CBLN2: variants seen among roughly 807,000 people sequenced by gnomAD.
The protein encoded by CBLN2 is cerebellin 2 precursor.
In CBLN2, 7 loss-of-function variants were observed where a neutral mutation model predicts 15.0. That is an observed-to-expected ratio of 0.47 (90% CI 0.27 to 0.88). CBLN2 has a LOEUF of 0.88. Ranked by LOEUF, CBLN2 falls within the 40% of genes least tolerant of loss-of-function variation. The pLI is 0.14. For synonymous variants in CBLN2, 149 were observed against 135.2 expected (o/e 1.10, Z -0.71); for missense variants, 242 against 304.5 (o/e 0.79, Z 1.53).
At chr18:72,619,036 G>A in intron 1 of CBLN2, 1 of 759,480 alleles carries the variant, frequency 1.3e-6, no homozygotes, top group South Asian at 1.3e-5. Context: ...TGGAGGTGGT[G>A]GAAGCTACAG....
intron 1 of CBLN2, among the ~76,000 whole-genome samples, chr18:72,580,573 T>G (rs2069396184): frequency 6.6e-6 from 1 of 152,190 alleles, no homozygotes; most frequent in Non-Finnish European, 1.5e-5. Flanking sequence ...TTTCATAGAA[T>G]TGGAATCACA....
At chr18:72,556,722 G>GA (rs913708058) in intron 1 of CBLN2, among the ~76,000 whole-genome samples, 1 of 151,946 alleles carries the variant, frequency 6.6e-6, no homozygotes, top group Non-Finnish European at 1.5e-5. Context: ...AGCTTATCTT[G>GA]AAAAAAATAA....
In CBLN2 at chr18:72,537,045, C is replaced by G. The variant is rs1022689838; in HGVS notation, c.*1131G>C. 2 of 152,262 alleles carry G rather than the reference C, an allele frequency of 1.3e-5. No individual in the cohort carries two copies. Among genetic ancestry groups the G allele is most frequent in the African/African-American group, 4.8e-5 (2 of 41,444 alleles). 9.4% of individuals were successfully genotyped at this position (152,262 alleles called of 1,614,324 possible). A position where few individuals can be genotyped will look rare whatever the true frequency, so the allele number is the denominator to read the frequency against. ...AGGATCCGGAGGAAGAGGAGCTGGT[C>G]TGTTGGCTTTGAAGCACCTGATCAC... On this transcript the variant is annotated 3_prime_UTR_variant, in exon 5 of 5. Coordinates refer to ENST00000269503, the MANE Select transcript of CBLN2 (RefSeq NM_182511.4).
intron 1 of CBLN2, among the ~76,000 whole-genome samples, chr18:72,603,283 G>A (rs2069561321): frequency 6.6e-6 from 1 of 152,172 alleles, no homozygotes; most frequent in South Asian, 2.1e-4. Flanking sequence ...TCAATGGTAT[G>A]GGACTATTAG....
chr18:72,637,938 G>T (rs1293579061), intron 1 of CBLN2, among the ~76,000 whole-genome samples: 2 of 152,206 alleles, frequency 1.3e-5, no homozygotes, highest in East Asian at 1.9e-4. Context: ...GGAGCCAGCC[G>T]CTGAGACGAG....
chr18:72,634,130 A>C (rs1002592107), intron 1 of CBLN2, among the ~76,000 whole-genome samples: 1 of 152,068 alleles, frequency 6.6e-6, no homozygotes, highest in Non-Finnish European at 1.5e-5. Context: ...TATGGCATGC[A>C]CAATAAAGGT....
At chr18:72,608,442 C>T (rs2069599240) in intron 1 of CBLN2, among the ~76,000 whole-genome samples, 1 of 152,150 alleles carries the variant, frequency 6.6e-6, no homozygotes, top group African/African-American at 2.4e-5. Flanking sequence ...TCCTGGGGTG[C>T]TGACACTCAA....
chr18:72,600,606 G>A (rs905367829), intron 1 of CBLN2, among the ~76,000 whole-genome samples: 1 of 152,156 alleles, frequency 6.6e-6, no homozygotes, highest in East Asian at 1.9e-4. Context: ...AGGAAAAGGT[G>A]TAATTGCCTG....
intron 1 of CBLN2, among the ~76,000 whole-genome samples, chr18:72,587,147 T>G (rs2069449217): frequency 6.6e-6 from 1 of 152,010 alleles, no homozygotes; most frequent in African/African-American, 2.4e-5. Context: ...TTTTTGTCAG[T>G]TTTTAAGGGT....
intron 1 of CBLN2, among the ~76,000 whole-genome samples, chr18:72,553,661 G>C (rs933016693): frequency 3.3e-5 from 5 of 152,132 alleles, no homozygotes; most frequent in African/African-American, 9.7e-5. Flanking sequence ...TTCAGCAAAA[G>C]AGCTAACTCA....
At chr18:72,637,287 A>AG (rs1431817016) in intron 1 of CBLN2, among the ~76,000 whole-genome samples, 1 of 152,110 alleles carries the variant, frequency 6.6e-6, no homozygotes, top group East Asian at 1.9e-4. Context: ...CAAGCAAAAA[A>AG]AAAAAATGGC....
intron 1 of CBLN2, among the ~76,000 whole-genome samples, chr18:72,608,870 C>A (rs1030644958): frequency 1.3e-5 from 2 of 152,166 alleles, no homozygotes; most frequent in African/African-American, 4.8e-5. Context: ...GAATGAGGAG[C>A]AAAGTCACAT....
chr18:72,585,082 C>T (rs1327711826), intron 1 of CBLN2, among the ~76,000 whole-genome samples: 1 of 152,142 alleles, frequency 6.6e-6, no homozygotes, highest in Non-Finnish European at 1.5e-5. Flanking sequence ...TGCAATGGTG[C>T]CCAGAAGCTT....
chr18:72,565,882 A>G (rs1458497755), intron 1 of CBLN2, among the ~76,000 whole-genome samples: 1 of 152,210 alleles, frequency 6.6e-6, no homozygotes. Context: ...GAAACAACCT[A>G]TAGAATGGGA....
intron 1 of CBLN2, among the ~76,000 whole-genome samples, chr18:72,587,564 A>G (rs2069452240): frequency 6.6e-6 from 1 of 152,182 alleles, no homozygotes; most frequent in Non-Finnish European, 1.5e-5. Flanking sequence ...TATTTCTAAT[A>G]TGTGTTGTTT....
intron 1 of CBLN2, among the ~76,000 whole-genome samples, chr18:72,601,263 A>C (rs1308237354): frequency 6.6e-6 from 1 of 152,186 alleles, no homozygotes; most frequent in East Asian, 1.9e-4. Context: ...GACAGCTTGG[A>C]GGTCAGAAGT....
intron 1 of CBLN2, among the ~76,000 whole-genome samples, chr18:72,623,325 G>C (rs536013080): frequency 6.6e-6 from 1 of 152,278 alleles, no homozygotes; most frequent in East Asian, 1.9e-4. Context: ...GTGGAAAAAG[G>C]AGGGTTGGTA....
intron 1 of CBLN2, among the ~76,000 whole-genome samples, chr18:72,596,592 G>A (rs1032207728): frequency 6.6e-6 from 1 of 152,128 alleles, no homozygotes; most frequent in African/African-American, 2.4e-5. Context: ...AGCATTTCTT[G>A]TAGGATGAGT....
At chr18:72,623,508 T>C (rs2069714692) in intron 1 of CBLN2, among the ~76,000 whole-genome samples, 1 of 152,144 alleles carries the variant, frequency 6.6e-6, no homozygotes, top group South Asian at 2.1e-4. Flanking sequence ...AACCGAGCTG[T>C]CCGTATCCCT....
Sources: gnomAD v4.1 joint callset for allele counts (sites outside exome capture counted in the v4.1 genomes callset) on GRCh38, gnomAD v4.1.1 for gene constraint, MANE v1.5 for transcripts, NCBI Gene and HGNC (gene_info 2026-07-23, HGNC 2026-07-21) for gene names.